The following HEATR4 variants were observed in gnomAD, a reference collection of about 807,000 sequenced individuals.
HEATR4 encodes HEAT repeat-containing protein 4.
In HEATR4, 95 loss-of-function variants were observed where a neutral mutation model predicts 108.8. The ratio of observed to expected loss-of-function variants is 0.87; its 90% CI spans 0.74 to 1.04. HEATR4 has a LOEUF of 1.04. Ranked by LOEUF, HEATR4 falls within the 50% of genes least tolerant of loss-of-function variation. The probability of loss-of-function intolerance (pLI) is 0.00; values close to 1 mark genes in which losing one functional copy is unlikely to be tolerated. For synonymous variants in HEATR4, 443 were observed against 459.4 expected (o/e 0.96, Z 0.46); for missense variants, 1,152 against 1,253.8 (o/e 0.92, Z 1.23).
chr14:73,495,336 C>A lies in HEATR4; in HGVS notation c.2677G>T (p.Glu893Ter). Residue 893 changes from glutamate (E) to a stop codon, truncating the protein, a stop_gained, in exon 16 of 18, where the codon GAG becomes TAG. Transcript: ENST00000553558. LOFTEE classifies it high-confidence loss of function. ...TCCCTCACTTTTCCCATGACCATCT[C>A]CAGCTTGAGTATTTTGTGTGTCAGC... ...DLLTHKILKL[E>*]MVMGKVREEA... 2 of 1,613,936 alleles carry A rather than the reference C, an allele frequency of 1.2e-6. No individual in the cohort carries two copies. Among genetic ancestry groups the A allele is most frequent in the Non-Finnish European group, 1.7e-6 (2 of 1,179,880 alleles).
the HEATR4 span, among the ~76,000 whole-genome samples, chr14:73,623,154 G>A: frequency 2.0e-5 from 3 of 151,706 alleles, no homozygotes; most frequent in Non-Finnish European, 4.4e-5. Context: ...CAGGTGATCC[G>A]CCCACCTCAG....
Position 73,533,255 on chromosome 14 carries a change from G to T in HEATR4, c.-151-3011C>A, listed in dbSNP as rs1888765075. ...AAAGCAGGGACTTTAACAGATATTTGTATACCCATGTTCATAGCAGCATAC... is the reference window on the plus strand; with the variant it reads ...AAAGCAGGGACTTTAACAGATATTTTTATACCCATGTTCATAGCAGCATAC... On this transcript the variant is annotated intron_variant, in intron 1 of 17. Transcript: ENST00000553558. Among the ~76,000 whole-genome samples, 2 of 115,238 alleles carry T rather than the reference G, an allele frequency of 1.7e-5. 1 individual carries two copies. Among genetic ancestry groups the T allele is most frequent in the Non-Finnish European group, 3.8e-5 (2 of 52,908 alleles). 75.6% of individuals were successfully genotyped at this position (115,238 alleles called of 152,430 possible). A position where few individuals can be genotyped will look rare whatever the true frequency, so the allele number is the denominator to read the frequency against.
At chr14:73,616,986 C>T in the HEATR4 span, 3 of 674,742 alleles carry the variant, frequency 4.4e-6, no homozygotes, top group East Asian at 2.5e-5. Flanking sequence ...GTGATGTTCT[C>T]CAGGCAGGGG....
At position 73,489,416 on chromosome 14, in the gene HEATR4, TCAAA is replaced by T. The variant is rs1177351540; in HGVS notation, c.2844+3646_2844+3649del. Among the ~76,000 whole-genome samples the T allele has an allele frequency of 1.3e-4, 20 of 152,304 alleles. No homozygotes were observed. In the South Asian group the frequency reaches 2.7e-3, roughly 21 times the overall value. ...CTGAGAAAGAGGGAGTGTTGAAAGC[TCAAA>T]CAGAGAAAGGTCCTAGAGGCCATGT... is the stretch of plus-strand genomic sequence containing the variant. On this transcript the variant is annotated intron_variant, in intron 17 of 17. Transcript: ENST00000553558.
At chr14:73,614,026 CA>C in the HEATR4 span, among the ~76,000 whole-genome samples, 33 of 92,958 alleles carry the variant, frequency 3.5e-4, no homozygotes, top group South Asian at 2.2e-3. Context: ...TCTGTCTCTA[CA>C]AAAAAAAAAA....
the HEATR4 span, among the ~76,000 whole-genome samples, chr14:73,594,761 C>T: frequency 6.6e-6 from 1 of 152,076 alleles, no homozygotes; most frequent in Non-Finnish European, 1.5e-5. Context: ...AGCGCAGTGG[C>T]GCAATCTCGG....
Position 73,493,117 on chromosome 14 carries a change from C to T in HEATR4, c.2793G>A (p.Met931Ile). 6.2e-7 allele frequency: 1 copy of T among 1,612,366 alleles called. No individual in the cohort carries two copies. The highest frequency in any genetic ancestry group is 8.5e-7 in the Non-Finnish European group (1 of 1,179,646). The change falls in exon 17 of 18, where the codon ATG (methionine) becomes ATA (isoleucine). Residue 931 changes from methionine to isoleucine, a missense_variant. Physicochemically the swap from Met to Ile is conservative, Grantham distance 10. Transcript: ENST00000553558. ...CCTCGGAAGGTCTTCTAGGAAGAAC[C>T]ATCTCATCTAGGTACAAAAGGAAAA... Reference protein sequence around the residue: ...TLLQETFQDEMVLPRRPSEVC... With the variant: ...TLLQETFQDEIVLPRRPSEVC...
At chr14:73,484,391 G>C (rs1179164979) in intron 17 of HEATR4, among the ~76,000 whole-genome samples, 2 of 151,858 alleles carry the variant, frequency 1.3e-5, no homozygotes, top group Non-Finnish European at 2.9e-5. Flanking sequence ...TTGTTTGTTT[G>C]TCATTGAGAG....
chr14:73,482,896 G>C (rs1361053872), intron 17 of HEATR4, among the ~76,000 whole-genome samples: 1 of 152,168 alleles, frequency 6.6e-6, no homozygotes, highest in African/African-American at 2.4e-5. Flanking sequence ...CTGGCCCTCA[G>C]GTGATCCACC....
the HEATR4 span, among the ~76,000 whole-genome samples, chr14:73,613,794 T>G: frequency 6.6e-6 from 1 of 152,096 alleles, no homozygotes. Flanking sequence ...TGAGGAACCC[T>G]AGTCTAAGTA....
the HEATR4 span, among the ~76,000 whole-genome samples, chr14:73,613,390 T>G: frequency 6.6e-6 from 1 of 152,228 alleles, no homozygotes; most frequent in Non-Finnish European, 1.5e-5. Context: ...GTGCCAGCCA[T>G]GTGGTTTTGT....
At chr14:73,552,261 G>T in intron 1 of HEATR4, among the ~76,000 whole-genome samples, 1 of 98,724 alleles carries the variant, frequency 1.0e-5, no homozygotes, top group African/African-American at 3.6e-5. Flanking sequence ...ACCTTCCACT[G>T]GTAACAACCC....
At chr14:73,486,885 A>G (rs1885472036) in intron 17 of HEATR4, among the ~76,000 whole-genome samples, 1 of 152,172 alleles carries the variant, frequency 6.6e-6, no homozygotes, top group South Asian at 2.1e-4. Context: ...AAATCATACT[A>G]TGTACACTTA....
At chr14:73,555,642 G>A (rs1462166890) in intron 1 of HEATR4, among the ~76,000 whole-genome samples, 1 of 114,808 alleles carries the variant, frequency 8.7e-6, no homozygotes, top group Non-Finnish European at 1.9e-5. Context: ...CTAAGGCAGG[G>A]GGCAATTTGA....
At chr14:73,611,487 C>G in the HEATR4 span, 1 of 152,120 alleles carries the variant, frequency 6.6e-6, no homozygotes, top group African/African-American at 2.4e-5. Context: ...GTAGATAGTA[C>G]CTTTATAAAA....
chr14:73,603,260 T>C, the HEATR4 span, among the ~76,000 whole-genome samples: 53 of 152,368 alleles, frequency 3.5e-4, no homozygotes, highest in Non-Finnish European at 6.6e-4. Flanking sequence ...TTTATGACCT[T>C]AAATAATTTG....
At chr14:73,501,910 C>T (rs1479714731) in intron 11 of HEATR4, among the ~76,000 whole-genome samples, 5 of 151,962 alleles carry the variant, frequency 3.3e-5, no homozygotes, top group Non-Finnish European at 5.9e-5. Flanking sequence ...CCCGCCACCA[C>T]GCCCTTTTGT....
rs11626122 is a variant in HEATR4 at position 73,502,906 on chromosome 14, G to A, written c.2094C>T (p.His698=). 0.15 allele frequency: 236,028 copies of A among 1,609,486 alleles called. 20,257 individuals are homozygous for A. Among genetic ancestry groups the A allele is most frequent in the East Asian group, 0.34 (15,236 of 44,816 alleles). The change falls in exon 11 of 18, where the codon CAC becomes CAT. Residue 698 remains histidine (H), a synonymous_variant. Coordinates refer to ENST00000553558, the MANE Select transcript of HEATR4 (RefSeq NM_001220484.1). ...LGQMSLGKEV[H]DIIRVKLGQG... ...TGACTGGGTCTTACCTGATTATGTCGTGCACCTCTTTCCCGAGGCTCATTT... is the reference window on the plus strand; with the variant it reads ...TGACTGGGTCTTACCTGATTATGTCATGCACCTCTTTCCCGAGGCTCATTT...
At chr14:73,511,560 TAAATA>T (rs367571614) in intron 7 of HEATR4, among the ~76,000 whole-genome samples, 2,191 of 88,970 alleles carry the variant, frequency 0.025, 26 homozygotes, top group African/African-American at 0.058. Flanking sequence ...AATAAATAAA[TAAATA>T]AAATAAAATA....
Sources: gnomAD v4.1 joint callset for allele counts (sites outside exome capture counted in the v4.1 genomes callset) on GRCh38, gnomAD v4.1.1 for gene constraint, MANE v1.5 for transcripts, NCBI Gene and HGNC (gene_info 2026-07-23, HGNC 2026-07-21) for gene names.